Variants in SAR1A observed in about 807,000 individuals in gnomAD.
The protein encoded by SAR1A is secretion associated Ras related GTPase 1A.
Under a neutral mutation model 22.6 loss-of-function variants are expected in SAR1A, and 6 were observed. The observed-to-expected ratio is 0.27, with a 90% CI of 0.15 to 0.52. SAR1A has a LOEUF of 0.52. SAR1A is among the 20% of genes least tolerant of loss of function. The probability of loss-of-function intolerance (pLI) is 0.96; values close to 1 mark genes in which losing one functional copy is unlikely to be tolerated. For synonymous variants in SAR1A, 70 were observed against 82.2 expected (o/e 0.85, Z 0.80); for missense variants, 145 against 245.1 (o/e 0.59, Z 2.73).
At chr10:70,158,464 T>C (rs1839422946) in intron 4 of SAR1A, among the ~76,000 whole-genome samples, 1 of 152,212 alleles carries the variant, frequency 6.6e-6, no homozygotes, top group South Asian at 2.1e-4. Context: ...ACCTACCATA[T>C]TTAACCCAGC....
intron 5 of SAR1A, among the ~76,000 whole-genome samples, chr10:70,157,416 A>C (rs1473564026): frequency 2.0e-5 from 3 of 150,954 alleles, no homozygotes; most frequent in Non-Finnish European, 3.0e-5. Flanking sequence ...AAAAAAAAAA[A>C]AAAAAAAAAA....
At chr10:70,157,401 C>CAAAAAAA (rs55801259) in intron 5 of SAR1A, among the ~76,000 whole-genome samples, 2 of 131,240 alleles carry the variant, frequency 1.5e-5, no homozygotes, top group African/African-American at 6.0e-5. Context: ...AAGACTCCGT[C>CAAAAAAA]AAAAAAAAAA....
chr10:70,159,673 G>A (rs1470216133), intron 4 of SAR1A, among the ~76,000 whole-genome samples: 1 of 152,232 alleles, frequency 6.6e-6, no homozygotes, highest in Non-Finnish European at 1.5e-5. Flanking sequence ...TCAACCTAAT[G>A]TTTCAAAACA....
Position 70,151,535 on chromosome 10 carries a change from T to A in SAR1A, c.*941A>T, listed in dbSNP as rs1349490100. On this transcript the variant is annotated 3_prime_UTR_variant, in exon 7 of 7. Transcript: ENST00000373241. ...TCCTGTCTTCCTATTCAGAAAAATG[T>A]CCCCCTAGAATCTGTGCAAAAGTAA... 6.6e-6 allele frequency: 1 copy of A among 152,398 alleles called. No homozygotes were observed. The highest frequency in any genetic ancestry group is 1.5e-5 in the Non-Finnish European group (1 of 67,990). 9.4% of individuals were successfully genotyped at this position (152,398 alleles called of 1,614,324 possible).
Position 70,149,339 on chromosome 10 carries a change from C to A in SAR1A, c.*3137G>T, listed in dbSNP as rs546715035. ...CCGCCCGCCTTGGCCTCCCAAAGCG[C>A]TAGGATTACAGACGTGAGCCACCGC... On this transcript the variant is annotated 3_prime_UTR_variant, in exon 7 of 7. Transcript: ENST00000373241. 2 of 152,232 alleles carry A rather than the reference C, an allele frequency of 1.3e-5. No homozygotes were observed. Among genetic ancestry groups the A allele is most frequent in the African/African-American group, 4.8e-5 (2 of 41,520 alleles). 9.4% of individuals were successfully genotyped at this position (152,232 alleles called of 1,614,324 possible). A position where few individuals can be genotyped will look rare whatever the true frequency, so the allele number is the denominator to read the frequency against.
In SAR1A at chr10:70,150,518, A is replaced by G. The variant is rs975941605; in HGVS notation, c.*1958T>C. On this transcript the variant is annotated 3_prime_UTR_variant, in exon 7 of 7. Transcript: ENST00000373241. ...AAGAGCTGCCCTATGTATAACCCAC[A>G]GATTTCTAGCTTGCAACAAAGTGAC... The G allele has an allele frequency of 1.3e-5, 2 of 152,246 alleles. No homozygotes were observed. The highest frequency in any genetic ancestry group is 2.4e-5 in the African/African-American group (1 of 41,464). The allele number at this position is 152,246 out of a possible 1,614,324, so 9.4% of individuals were successfully genotyped here.
At chr10:70,154,013 T>C in intron 5 of SAR1A, 44 bp from the exon 6 acceptor site, 1 of 1,462,176 alleles carries the variant, frequency 6.8e-7, no homozygotes, top group South Asian at 1.3e-5. Context: ...AAGAATTAAG[T>C]GAGGAATCTA....
At position 70,152,416 on chromosome 10, in the gene SAR1A, G is replaced by A; in HGVS notation, c.*60C>T. The A allele has an allele frequency of 1.5e-6, 2 of 1,290,956 alleles. No homozygotes were observed. The highest frequency in any genetic ancestry group is 1.7e-5 in the Admixed American group (1 of 59,196). 80.0% of individuals were successfully genotyped at this position (1,290,956 alleles called of 1,614,324 possible). ...TTGTTCTATTAGAAAAGTTCATGAG[G>A]AAGCTGTGAATAGGATCAGTCCAGA... On this transcript the variant is annotated 3_prime_UTR_variant, in exon 7 of 7. Coordinates refer to ENST00000373241, the MANE Select transcript of SAR1A (RefSeq NM_020150.5).
intron 6 of SAR1A, 135 bp downstream of exon 6, chr10:70,153,703 T>A: frequency 1.6e-6 from 1 of 633,912 alleles, no homozygotes; most frequent in Non-Finnish European, 2.5e-6. Context: ...CTAGTGAGCT[T>A]ACAAAATACT....
At chr10:70,152,738 A>ATGACTTCCCCAGGCTTCG in intron 6 of SAR1A, 146 bp from the exon 7 acceptor site, 1 of 634,814 alleles carries the variant, frequency 1.6e-6, no homozygotes, top group Non-Finnish European at 2.8e-6. Flanking sequence ...GGCCATATAG[A>ATGACTTCCCCAGGCTTCG]TGACTTCCCC....
chr10:70,169,738 T>C (rs762896647), intron 1 of SAR1A, among the ~76,000 whole-genome samples: 1 of 152,188 alleles, frequency 6.6e-6, no homozygotes, highest in Admixed American at 6.5e-5. Flanking sequence ...CTAAGCCCCC[T>C]GTCGCAACCG....
At chr10:70,162,055 G>A in intron 1 of SAR1A, 124 bp from the exon 2 acceptor site, 1 of 704,212 alleles carries the variant, frequency 1.4e-6, no homozygotes, top group Non-Finnish European at 2.4e-6. Context: ...GAATAAGAAA[G>A]CAGGCCAGGC....
At chr10:70,160,014 CAT>C (rs1411408853) in intron 4 of SAR1A, among the ~76,000 whole-genome samples, 10 of 152,316 alleles carry the variant, frequency 6.6e-5, no homozygotes, top group African/African-American at 2.2e-4. Context: ...AGTAATCACA[CAT>C]AGTCACTGTA....
chr10:70,157,541 G>C (rs969204265), intron 5 of SAR1A: 1 of 487,320 alleles, frequency 2.1e-6, no homozygotes, highest in African/African-American at 2.0e-5. Context: ...CTGTATGATA[G>C]AAACAACAGT....
Position 70,149,546 on chromosome 10 carries a change from G to GGTTTTTTTTTTTTTTTTTTTTTT in SAR1A, c.*2929_*2930insAAAAAAAAAAAAAAAAAAAAAAC, listed in dbSNP as rs1564567602. ...ATTTTGCCAAATGTAGCATTTAATT[G>GGTTTTTTTTTTTTTTTTTTTTTT]ATTTTTTTTTTTTTTTTTTTTTTGA... On this transcript the variant is annotated 3_prime_UTR_variant, in exon 7 of 7. Transcript: ENST00000373241. 1 of 23,954 alleles carries GGTTTTTTTTTTTTTTTTTTTTTT rather than the reference G, an allele frequency of 4.2e-5. No homozygotes were observed. Among genetic ancestry groups the GGTTTTTTTTTTTTTTTTTTTTTT allele is most frequent in the African/African-American group, 1.6e-4 (1 of 6,404 alleles). The allele number at this position is 23,954 out of a possible 1,614,324, so 1.5% of individuals were successfully genotyped here.
chr10:70,164,537 G>T (rs2136720734), intron 1 of SAR1A, among the ~76,000 whole-genome samples: 1 of 152,340 alleles, frequency 6.6e-6, no homozygotes, highest in Admixed American at 6.5e-5. Flanking sequence ...CACTACTGCA[G>T]AATGGGTGTA....
chr10:70,147,513 A>G lies in SAR1A; in HGVS notation c.*4963T>C, dbSNP rs979881642. Reference sequence around the variant, plus strand: ...AAGGAATGGCGGTGGCTGTGTCCCAATAAAAAGATACAGACATTGAAATTT... The same window carrying G: ...AAGGAATGGCGGTGGCTGTGTCCCAGTAAAAAGATACAGACATTGAAATTT... On this transcript the variant is annotated 3_prime_UTR_variant, in exon 7 of 7. Transcript: ENST00000373241. 1.3e-5 allele frequency: 2 copies of G among 152,238 alleles called. No individual in the cohort carries two copies. The highest frequency in any genetic ancestry group is 2.9e-5 in the Non-Finnish European group (2 of 68,046). The allele number at this position is 152,238 out of a possible 1,614,324, so 9.4% of individuals were successfully genotyped here.
intron 1 of SAR1A, among the ~76,000 whole-genome samples, chr10:70,166,423 T>C (rs1285158546): frequency 6.6e-6 from 1 of 152,190 alleles, no homozygotes. Context: ...GAAAAGCACA[T>C]TGATTTGAAT....
chr10:70,157,929 A>G (rs1336716166), intron 4 of SAR1A, 62 bp from the exon 5 acceptor site: 1 of 1,107,366 alleles, frequency 9.0e-7, no homozygotes, highest in African/African-American at 1.6e-5. Flanking sequence ...TGAATAACCT[A>G]ATGGTCTATA....
Sources: allele counts gnomAD v4.1 joint callset (sites outside exome capture counted in the v4.1 genomes callset), GRCh38; gene constraint gnomAD v4.1.1; transcripts MANE v1.5; gene names NCBI Gene and HGNC (gene_info 2026-07-23, HGNC 2026-07-21).